ACSM2B: variants seen among roughly 807,000 people sequenced by gnomAD.
ACSM2B encodes the protein acyl-CoA synthetase medium chain family member 2B.
ACSM2B carries 58 observed loss-of-function variants against 78.6 expected under a neutral mutation model. The observed-to-expected ratio is 0.74, with a 90% CI of 0.60 to 0.92. ACSM2B has a LOEUF of 0.92. Ranked by LOEUF, ACSM2B falls within the 40% of genes least tolerant of loss-of-function variation. The pLI, the probability that ACSM2B is intolerant of heterozygous loss-of-function variation, is 0.00. For synonymous variants in ACSM2B, 257 were observed against 256.8 expected (o/e 1.00, Z -0.01); for missense variants, 688 against 711.2 (o/e 0.97, Z 0.37).
At chr16:20,556,349 C>A (rs1476270792) in intron 3 of ACSM2B, among the ~76,000 whole-genome samples, 1 of 152,212 alleles carries the variant, frequency 6.6e-6, no homozygotes, top group African/African-American at 2.4e-5. Context: ...TGCCTGTAAT[C>A]CTGGCACTTT....
intron 4 of ACSM2B, among the ~76,000 whole-genome samples, chr16:20,554,909 G>C (rs1175993986): frequency 6.6e-6 from 1 of 152,150 alleles, no homozygotes; most frequent in Non-Finnish European, 1.5e-5. Flanking sequence ...ATGGAACTCT[G>C]ACCCACTCTT....
At chr16:20,574,917 A>G (rs1440083147) in intron 1 of ACSM2B, among the ~76,000 whole-genome samples, 1 of 149,032 alleles carries the variant, frequency 6.7e-6, no homozygotes, top group Non-Finnish European at 1.5e-5. Context: ...CACTGAACTT[A>G]GGAGCAACCA....
rs2014851348 is a variant in ACSM2B, at chr16:20,536,578, G to A, written c.*680C>T. On this transcript the variant is annotated 3_prime_UTR_variant, in exon 14 of 14. Coordinates refer to ENST00000329697, the MANE Select transcript of ACSM2B (RefSeq NM_001105069.2). The stretch of plus-strand genomic sequence containing the variant: ...TCCTGTATGGAGGTCTTCTCCTAGG[G>A]TAAAAGAAAGTACCACTTCTTTTCC... 6.6e-6 allele frequency: 1 copy of A among 152,118 alleles called. No individual in the cohort carries two copies. Among genetic ancestry groups the A allele is most frequent in the Non-Finnish European group, 1.5e-5 (1 of 68,050 alleles). The allele number at this position is 152,118 out of a possible 1,614,324, so 9.4% of individuals were successfully genotyped here. A position where few individuals can be genotyped will look rare whatever the true frequency, so the allele number is the denominator to read the frequency against.
intron 1 of ACSM2B, chr16:20,574,054 A>C (rs80129611): frequency 1.5e-5 from 2 of 135,424 alleles, no homozygotes; most frequent in Admixed American, 1.5e-4. Context: ...GCGTATTTCA[A>C]TCCTTATCTC....
Position 20,538,067 on chromosome 16 carries a change from C to T in ACSM2B, c.1630-705G>A, listed in dbSNP as rs115099327. On this transcript the variant is annotated intron_variant, in intron 13 of 13. Transcript: ENST00000329697. ...GGATGATAAAGACGCCTCATTGAGGCTTCCAGTGATGTGGCTCAGTTGCCA... is the reference window on the plus strand; with the variant it reads ...GGATGATAAAGACGCCTCATTGAGGTTTCCAGTGATGTGGCTCAGTTGCCA... 8.2e-3 allele frequency among the ~76,000 whole-genome samples: 1,249 copies of T among 152,246 alleles called. 22 individuals carry two copies. Among genetic ancestry groups the T allele is most frequent in the African/African-American group, 0.029 (1,218 of 41,550 alleles).
In ACSM2B at chr16:20,566,990, TTA is replaced by T. The variant is rs1192175801; in HGVS notation, c.-8-2139_-8-2138del. On this transcript the variant is annotated intron_variant, in intron 1 of 13. Transcript: ENST00000329697. ...ATTATATATTATATACTGTTATATA[TTA>T]TATATATCTGTGTATACACCATATT... Among the ~76,000 whole-genome samples the T allele has an allele frequency of 3.3e-5, 4 of 122,848 alleles. No homozygotes were observed. The East Asian group carries it at 8.7e-4, about 27-fold the overall frequency. The allele number at this position is 122,848 out of a possible 152,430, so 80.6% of individuals were successfully genotyped here.
In ACSM2B at chr16:20,543,048, C is replaced by T. The variant is rs574757135; in HGVS notation, c.1410-35G>A. On this transcript the variant is annotated intron_variant, in intron 11 of 13. Coordinates refer to ENST00000329697, the MANE Select transcript of ACSM2B (RefSeq NM_001105069.2). ...AACCTGTCCTTCAGAGAACACTGGACACCGAACCTCTAGGCCATTCCGGAA... is the reference window on the plus strand; with the variant it reads ...AACCTGTCCTTCAGAGAACACTGGATACCGAACCTCTAGGCCATTCCGGAA... 1.9e-6 allele frequency: 3 copies of T among 1,613,338 alleles called. No individual in the cohort carries two copies. The South Asian group carries it at 3.3e-5, about 18-fold the overall frequency.
intron 2 of ACSM2B, 93 bp from the exon 3 acceptor site, chr16:20,559,540 G>GCACCTCCA: frequency 6.8e-7 from 1 of 1,479,766 alleles, no homozygotes; most frequent in Non-Finnish European, 9.0e-7. Flanking sequence ...CTGGTGCTTA[G>GCACCTCCA]TAAGGTTTTT....
intron 5 of ACSM2B, among the ~76,000 whole-genome samples, chr16:20,553,319 A>G (rs1446765872): frequency 6.6e-6 from 1 of 152,210 alleles, no homozygotes; most frequent in East Asian, 1.9e-4. Flanking sequence ...AAAATGCTCA[A>G]CTATGGGGTC....
intron 3 of ACSM2B, among the ~76,000 whole-genome samples, chr16:20,556,703 A>T (rs914116773): frequency 2.0e-5 from 3 of 152,208 alleles, no homozygotes; most frequent in African/African-American, 7.2e-5. Flanking sequence ...TTTTAACCTT[A>T]GCTCACTTTC....
At chr16:20,568,689 T>TA (rs1164455278) in intron 1 of ACSM2B, among the ~76,000 whole-genome samples, 23 of 151,830 alleles carry the variant, frequency 1.5e-4, no homozygotes, top group Non-Finnish European at 2.8e-4. Context: ...ACCGGCAGTG[T>TA]AGAAGTGTTC....
intron 8 of ACSM2B, chr16:20,547,807 G>T: frequency 9.8e-7 from 1 of 1,021,766 alleles, no homozygotes; most frequent in Admixed American, 3.7e-5. Flanking sequence ...CTCACCACCT[G>T]CCATGCTAGA....
intron 3 of ACSM2B, among the ~76,000 whole-genome samples, chr16:20,557,521 C>T (rs9922093): frequency 0.95 from 144,714 of 152,216 alleles, 68,830 homozygotes; most frequent in East Asian, 1. Flanking sequence ...TATTGCCTTC[C>T]TCATCCCATT....
intron 2 of ACSM2B, among the ~76,000 whole-genome samples, chr16:20,563,735 C>T (rs1221162978): frequency 6.8e-6 from 1 of 147,810 alleles, no homozygotes; most frequent in Admixed American, 6.6e-5. Flanking sequence ...AAGACTGTTT[C>T]ATAGTGTAGG....
chr16:20,546,061 T>A (rs527803445), intron 9 of ACSM2B, among the ~76,000 whole-genome samples: 124 of 152,118 alleles, frequency 8.2e-4, no homozygotes, highest in Non-Finnish European at 1.6e-3. Context: ...TCGTTACCTA[T>A]ATTGTTAAAT....
chr16:20,549,693 G>T (rs1434733518), intron 6 of ACSM2B: 2 of 422,922 alleles, frequency 4.7e-6, no homozygotes, highest in African/African-American at 4.1e-5. Flanking sequence ...GAGAACACGT[G>T]CCCAAGGTGG....
intron 8 of ACSM2B, chr16:20,547,765 A>G: frequency 9.7e-7 from 1 of 1,028,056 alleles, no homozygotes; most frequent in Non-Finnish European, 1.2e-6. Flanking sequence ...TTCTCACCCC[A>G]TCTCATCTAC....
At chr16:20,537,399 G>C (rs377554133) in intron 13 of ACSM2B, 37 bp from the exon 14 acceptor site, 4 of 1,608,708 alleles carry the variant, frequency 2.5e-6, no homozygotes, top group Non-Finnish European at 3.4e-6. Flanking sequence ...TGGGTGATCT[G>C]TGATGACAGT....
intron 4 of ACSM2B, among the ~76,000 whole-genome samples, 182 bp downstream of exon 4, chr16:20,555,087 C>T (rs111233768): frequency 4.7e-5 from 7 of 150,210 alleles, no homozygotes; most frequent in South Asian, 4.2e-4. Flanking sequence ...TCAAGCCCCA[C>T]TTAGTCCTTG....
Sources: gnomAD v4.1 joint callset for allele counts (sites outside exome capture counted in the v4.1 genomes callset) on GRCh38, gnomAD v4.1.1 for gene constraint, MANE v1.5 for transcripts, NCBI Gene and HGNC (gene_info 2026-07-23, HGNC 2026-07-21) for gene names.